Variants in PCDH11Y observed in about 807,000 individuals in gnomAD.
PCDH11Y encodes protocadherin-11 Y-linked.
For synonymous variants in PCDH11Y, 9 were observed against 83.6 expected (o/e 0.11, Z 4.87); for missense variants, 12 against 224.8 (o/e 0.05, Z 6.05).
chrY:5,332,650 A>G, intron 2 of PCDH11Y, among the ~76,000 whole-genome samples: 2 of 34,070 alleles, frequency 5.9e-5, no homozygotes, highest in African/African-American at 1.1e-4. Flanking sequence ...TTCTGAAAAC[A>G]TACCTGGTTC....
intron 4 of PCDH11Y, among the ~76,000 whole-genome samples, chrY:5,707,186 T>C (rs2124712685): frequency 5.3e-5 from 1 of 19,009 alleles, no homozygotes; most frequent in South Asian, 1.5e-3. Context: ...TGAACCTGCA[T>C]TGAGTTAATT....
chrY:5,566,690 G>A, intron 3 of PCDH11Y, among the ~76,000 whole-genome samples: 1 of 32,392 alleles, frequency 3.1e-5, no homozygotes, highest in Non-Finnish European at 7.6e-5. Flanking sequence ...GCAAACTAGT[G>A]AAGTGGCTTA....
chrY:5,186,208 C>A, intron 2 of PCDH11Y, among the ~76,000 whole-genome samples: 2 of 33,243 alleles, frequency 6.0e-5, no homozygotes, highest in East Asian at 1.6e-3. Context: ...ACACAACACT[C>A]TAAAAACTCT....
intron 1 of PCDH11Y, among the ~76,000 whole-genome samples, chrY:5,009,701 C>T: frequency 6.0e-5 from 2 of 33,490 alleles, no homozygotes; most frequent in Non-Finnish European, 1.5e-4. Flanking sequence ...GCAAAGCTTT[C>T]CCTTCTTTCC....
chrY:5,035,172 G>A, intron 3 of PCDH11Y, among the ~76,000 whole-genome samples: 1 of 27,521 alleles, frequency 3.6e-5, no homozygotes. Context: ...CCATAAAAAC[G>A]TGGAAGTAGA....
intron 2 of PCDH11Y, among the ~76,000 whole-genome samples, chrY:5,113,927 G>T: frequency 3.3e-5 from 1 of 30,689 alleles, no homozygotes; most frequent in South Asian, 7.7e-4. Context: ...CCTAAAATCA[G>T]CAACACTTTC....
chrY:5,716,792 AG>A (rs2053590276), intron 4 of PCDH11Y, among the ~76,000 whole-genome samples: 2 of 33,231 alleles, frequency 6.0e-5, no homozygotes, highest in Admixed American at 5.5e-4. Context: ...TTAGGCAAAA[AG>A]AACAAAACCA....
chrY:5,170,169 T>C (rs2052885257), intron 2 of PCDH11Y, among the ~76,000 whole-genome samples: 1 of 31,208 alleles, frequency 3.2e-5, no homozygotes, highest in African/African-American at 1.2e-4. Context: ...TGAGGCAATA[T>C]ATATTTTTAA....
At chrY:5,157,948 G>A (rs2052871252) in intron 2 of PCDH11Y, among the ~76,000 whole-genome samples, 1 of 32,556 alleles carries the variant, frequency 3.1e-5, no homozygotes, top group African/African-American at 1.2e-4. Context: ...TGCTAAAATC[G>A]GAAATTCTTG....
chrY:5,650,686 C>G lies in PCDH11Y; in HGVS notation c.3352+68888C>G. 1.2e-4 allele frequency among the ~76,000 whole-genome samples: 4 copies of G among 32,806 alleles called. No homozygotes were observed. In the East Asian group the frequency reaches 3.2e-3, roughly 26 times the overall value. The allele number at this position is 32,806 out of a possible 37,273, so 88.0% of individuals were successfully genotyped here. A position where few individuals can be genotyped will look rare whatever the true frequency, so the allele number is the denominator to read the frequency against. On this transcript the variant is annotated intron_variant, in intron 4 of 4. Coordinates refer to the PCDH11Y transcript ENST00000400457. ...TAAAGATATTTTTACATATTATTAG[C>G]TTAAGCCATCTTATTTGCTATTAAC...
chrY:5,633,544 C>T, intron 4 of PCDH11Y, among the ~76,000 whole-genome samples: 7 of 29,889 alleles, frequency 2.3e-4, no homozygotes, highest in African/African-American at 8.0e-4. Context: ...TTTCTCAAAT[C>T]GGTTTTGGTT....
intron 2 of PCDH11Y, among the ~76,000 whole-genome samples, chrY:5,348,989 G>A: frequency 6.3e-5 from 2 of 31,962 alleles, no homozygotes; most frequent in Admixed American, 3.0e-4. Context: ...TTAGCTCGAC[G>A]TGGTGGTGCA....
chrY:5,126,028 TC>T (rs2052825309), intron 2 of PCDH11Y, among the ~76,000 whole-genome samples: 1 of 32,529 alleles, frequency 3.1e-5, no homozygotes, highest in Non-Finnish European at 7.5e-5. Flanking sequence ...CTAAAACAAC[TC>T]CAAAATTGAA....
chrY:5,686,111 A>G (rs2053562758), intron 4 of PCDH11Y, among the ~76,000 whole-genome samples: 1 of 33,616 alleles, frequency 3.0e-5, no homozygotes, highest in African/African-American at 1.2e-4. Context: ...CTTGGAAATC[A>G]TCCTTCACCA....
upstream of PCDH11Y, among the ~76,000 whole-genome samples, chrY:5,053,844 T>G (rs2052656257): frequency 3.5e-5 from 1 of 28,646 alleles, no homozygotes; most frequent in Admixed American, 3.5e-4. Context: ...ATGTTCTCAC[T>G]CATAGGTGGG....
At chrY:5,460,401 T>C in intron 2 of PCDH11Y, among the ~76,000 whole-genome samples, 1 of 33,327 alleles carries the variant, frequency 3.0e-5, no homozygotes. Flanking sequence ...AAAATAGCAA[T>C]GTCTGTTTAA....
At chrY:5,378,859 C>T in intron 2 of PCDH11Y, among the ~76,000 whole-genome samples, 1 of 32,240 alleles carries the variant, frequency 3.1e-5, no homozygotes, top group Non-Finnish European at 7.5e-5. Flanking sequence ...AAACAAATAA[C>T]AAAGGAGGAT....
intron 2 of PCDH11Y, among the ~76,000 whole-genome samples, chrY:5,205,535 A>T: frequency 4.0e-5 from 1 of 25,155 alleles, no homozygotes; most frequent in South Asian, 8.5e-4. Flanking sequence ...ATATATATAT[A>T]TACACTGAAT....
intron 2 of PCDH11Y, among the ~76,000 whole-genome samples, chrY:5,285,124 A>G (rs2053058512): frequency 3.1e-5 from 1 of 32,384 alleles, no homozygotes; most frequent in African/African-American, 1.2e-4. Flanking sequence ...TGTGTACTCA[A>G]TGTTTAGCTT....
Sources: gnomAD v4.1 joint callset for allele counts (sites outside exome capture counted in the v4.1 genomes callset) on GRCh38, gnomAD v4.1.1 for gene constraint, MANE v1.5 for transcripts, NCBI Gene and HGNC (gene_info 2026-07-23, HGNC 2026-07-21) for gene names.